GABRA2: variants seen among roughly 807,000 people sequenced by gnomAD.
GABRA2 encodes the protein gamma-aminobutyric acid type A receptor subunit alpha2.
In GABRA2, 16 loss-of-function variants were observed where a neutral mutation model predicts 48.7. The ratio of observed to expected loss-of-function variants is 0.33; its 90% confidence interval spans 0.22 to 0.50. GABRA2 has a LOEUF of 0.50. GABRA2 is among the 20% of genes least tolerant of loss of function. The probability of loss-of-function intolerance (pLI) is 0.98; values close to 1 mark genes in which losing one functional copy is unlikely to be tolerated. For missense variants in GABRA2, 275 were observed against 535.6 expected (o/e 0.51, Z 4.80); for synonymous variants, 185 against 184.5 (o/e 1.00, Z -0.02).
At position 46,389,730 on chromosome 4, in the gene GABRA2, C is replaced by A; in HGVS notation, c.-11+5G>T. On this transcript the variant is annotated splice_donor_5th_base_variant and intron_variant, in intron 1 of 9. Coordinates refer to ENST00000381620, the MANE Select transcript of GABRA2 (RefSeq NM_000807.4). Reference sequence around the variant, plus strand: ...CTCTATCGGGACCAACGTGTGCGACCCTACCTGAAACGGCAAGCAGAATTC... The same window carrying A: ...CTCTATCGGGACCAACGTGTGCGACACTACCTGAAACGGCAAGCAGAATTC... 1 of 980,608 alleles carries A rather than the reference C, an allele frequency of 1.0e-6. No individual in the cohort carries two copies. Among genetic ancestry groups the A allele is most frequent in the Non-Finnish European group, 1.2e-6 (1 of 829,172 alleles). 60.7% of individuals were successfully genotyped at this position (980,608 alleles called of 1,614,324 possible).
Position 46,389,052 on chromosome 4 carries a change from C to A in GABRA2, c.-10-336G>T, listed in dbSNP as rs1165548551. ...GTTTTGCGCACACGTAATAATAACA[C>A]CCTGGACTTTAAACTGGCATAGCAG... On this transcript the variant is annotated intron_variant, in intron 1 of 9. Coordinates refer to ENST00000381620, the MANE Select transcript of GABRA2 (RefSeq NM_000807.4). 2.9e-6 allele frequency: 3 copies of A among 1,050,636 alleles called. No homozygotes were observed. The African/African-American group carries it at 5.1e-5, about 18-fold the overall frequency. 65.1% of individuals were successfully genotyped at this position (1,050,636 alleles called of 1,614,324 possible). A position where few individuals can be genotyped will look rare whatever the true frequency, so the allele number is the denominator to read the frequency against.
intron 3 of GABRA2, among the ~76,000 whole-genome samples, chr4:46,354,534 A>T (rs144751091): frequency 1.2e-4 from 18 of 152,276 alleles, no homozygotes; most frequent in African/African-American, 4.1e-4. Context: ...CATTCATCTC[A>T]TCATAGTCTG....
chr4:46,329,749 G>T (rs1431492519), intron 4 of GABRA2, among the ~76,000 whole-genome samples: 1 of 152,066 alleles, frequency 6.6e-6, no homozygotes, highest in Non-Finnish European at 1.5e-5. Context: ...GATGTCCTGT[G>T]ACTGGACTGT....
chr4:46,335,551 G>A (rs1047848983), intron 3 of GABRA2, among the ~76,000 whole-genome samples: 2 of 152,178 alleles, frequency 1.3e-5, no homozygotes, highest in East Asian at 1.9e-4. Flanking sequence ...TCAGCTCACC[G>A]CAACCTCTGC....
intron 8 of GABRA2, among the ~76,000 whole-genome samples, chr4:46,277,049 CT>C (rs979234083): frequency 7.9e-5 from 12 of 152,024 alleles, no homozygotes; most frequent in African/African-American, 1.9e-4. Context: ...TAATTCCCCC[CT>C]ATGTCCTTAC....
At chr4:46,302,130 A>G (rs991682283) in intron 8 of GABRA2, among the ~76,000 whole-genome samples, 3 of 151,364 alleles carry the variant, frequency 2.0e-5, no homozygotes, top group African/African-American at 7.3e-5. Context: ...GTGCAACGGC[A>G]TGATCATAGC....
intron 3 of GABRA2, among the ~76,000 whole-genome samples, chr4:46,363,556 T>C (rs1713560985): frequency 6.6e-6 from 1 of 152,178 alleles, no homozygotes; most frequent in South Asian, 2.1e-4. Flanking sequence ...TAATGACTTT[T>C]AGTTTAAAGA....
Position 46,245,383 on chromosome 4 carries a change from A to G in GABRA2, c.*4925T>C, listed in dbSNP as rs1713531382. ...AAACCTGGCATTCAAAGATGTTTCT[A>G]TTCTATCTCATGAAGCAGAATTGCA... On this transcript the variant is annotated 3_prime_UTR_variant, in exon 10 of 10. Coordinates refer to ENST00000381620, the MANE Select transcript of GABRA2 (RefSeq NM_000807.4). Among the ~76,000 whole-genome samples, 1 of 151,308 alleles carries G rather than the reference A, an allele frequency of 6.6e-6. No individual in the cohort carries two copies. Among genetic ancestry groups the G allele is most frequent in the Non-Finnish European group, 1.5e-5 (1 of 67,452 alleles).
At position 46,328,271 on chromosome 4, in the gene GABRA2, A is replaced by AGTGT. The variant is rs71193862; in HGVS notation, c.255+4340_255+4343dup. On this transcript the variant is annotated intron_variant, in intron 4 of 9. Coordinates refer to ENST00000381620, the MANE Select transcript of GABRA2 (RefSeq NM_000807.4). ...CTACTTAATGATTCCAAGATAGCAG[A>AGTGT]GTGTGTGTGTGTGTGTGTGTGTGTG... Among the ~76,000 whole-genome samples, 556 of 128,676 alleles carry AGTGT rather than the reference A, an allele frequency of 4.3e-3. 4 individuals carry two copies. Among genetic ancestry groups the AGTGT allele is most frequent in the African/African-American group, 6.7e-3 (232 of 34,436 alleles). 84.4% of individuals were successfully genotyped at this position (128,676 alleles called of 152,430 possible). A position where few individuals can be genotyped will look rare whatever the true frequency, so the allele number is the denominator to read the frequency against.
chr4:46,389,589 G>T, intron 1 of GABRA2, 146 bp downstream of exon 1: 2 of 458,580 alleles, frequency 4.4e-6, no homozygotes, highest in Non-Finnish European at 5.7e-6. Context: ...TTTTTTAAGT[G>T]CGCTGGGGAG....
intron 3 of GABRA2, among the ~76,000 whole-genome samples, chr4:46,352,717 G>A (rs575991953): frequency 6.6e-6 from 1 of 152,158 alleles, no homozygotes; most frequent in South Asian, 2.1e-4. Context: ...TAGAGTACTT[G>A]TCTCTATATA....
At chr4:46,367,233 A>T (rs998635779) in intron 3 of GABRA2, 1 of 152,130 alleles carries the variant, frequency 6.6e-6, no homozygotes, top group Non-Finnish European at 1.5e-5. Context: ...TATAGAAAAA[A>T]ATTGATTGTT....
chr4:46,377,103 A>C (rs1270422212), intron 3 of GABRA2, among the ~76,000 whole-genome samples: 2 of 151,922 alleles, frequency 1.3e-5, no homozygotes, highest in South Asian at 2.1e-4. Context: ...ACCTCCCAGC[A>C]GCCTGCCTTG....
chr4:46,243,935 C>T lies in GABRA2; in HGVS notation c.*6373G>A, dbSNP rs1249116398. 1.3e-5 allele frequency: 2 copies of T among 151,416 alleles called. No homozygotes were observed. Among genetic ancestry groups the T allele is most frequent in the African/African-American group, 4.8e-5 (2 of 41,338 alleles). The allele number at this position is 151,416 out of a possible 1,614,324, so 9.4% of individuals were successfully genotyped here. ...TAAGTATGACATTTTTTAAAGTTTTCACTCACATCACATCTACTGGAAACA... is the reference window on the plus strand; with the variant it reads ...TAAGTATGACATTTTTTAAAGTTTTTACTCACATCACATCTACTGGAAACA... On this transcript the variant is annotated 3_prime_UTR_variant, in exon 10 of 10. Coordinates refer to ENST00000381620, the MANE Select transcript of GABRA2 (RefSeq NM_000807.4).
chr4:46,379,348 C>T (rs1396304446), intron 3 of GABRA2, among the ~76,000 whole-genome samples: 1 of 152,172 alleles, frequency 6.6e-6, no homozygotes, highest in Non-Finnish European at 1.5e-5. Flanking sequence ...CCAGCCTCCC[C>T]AATGGCATCC....
At position 46,293,410 on chromosome 4, in the gene GABRA2, A is replaced by G. The variant is rs998714392; in HGVS notation, c.856+10050T>C. ...GCTGTGCACTGGAGAAAGGCAAATA[A>G]TCAGACATTTCAGGGACTACTGGAC... On this transcript the variant is annotated intron_variant, in intron 8 of 9. Coordinates refer to ENST00000381620, the MANE Select transcript of GABRA2 (RefSeq NM_000807.4). 2.2e-4 allele frequency among the ~76,000 whole-genome samples: 33 copies of G among 152,284 alleles called. No individual in the cohort carries two copies. The Middle Eastern group carries it at 0.014, about 63-fold the overall frequency.
At chr4:46,323,278 C>A (rs991848389) in intron 4 of GABRA2, among the ~76,000 whole-genome samples, 1 of 151,894 alleles carries the variant, frequency 6.6e-6, no homozygotes, top group Non-Finnish European at 1.5e-5. Context: ...TTCCTAAGAG[C>A]ATTCTAGGCT....
At chr4:46,290,302 GA>G (rs200669306) in intron 8 of GABRA2, among the ~76,000 whole-genome samples, 7 of 148,522 alleles carry the variant, frequency 4.7e-5, no homozygotes, top group South Asian at 2.1e-4. Flanking sequence ...TTGAATTTCT[GA>G]AAAAAAAAGC....
chr4:46,264,286 C>G (rs1407357496), intron 8 of GABRA2, among the ~76,000 whole-genome samples: 1 of 151,964 alleles, frequency 6.6e-6, no homozygotes, highest in Non-Finnish European at 1.5e-5. Flanking sequence ...TTTACTTCTT[C>G]CTTTCCAATC....
Sources: allele counts gnomAD v4.1 joint callset (sites outside exome capture counted in the v4.1 genomes callset), GRCh38; gene constraint gnomAD v4.1.1; transcripts MANE v1.5; gene names NCBI Gene and HGNC (gene_info 2026-07-23, HGNC 2026-07-21).